CFAP46: variants seen among roughly 807,000 people sequenced by gnomAD.
CFAP46 encodes cilia and flagella associated protein 46, also known as cilia- and flagella-associated protein 46.
Under a neutral mutation model 325.7 loss-of-function variants are expected in CFAP46, and 245 were observed. That is an observed-to-expected ratio of 0.75 (90% CI 0.68 to 0.84). CFAP46 has a LOEUF of 0.84. Among genes scored for constraint, CFAP46 ranks in the 40% least tolerant of loss-of-function variants. The pLI, the probability that CFAP46 is intolerant of heterozygous loss-of-function variation, is 0.00. For synonymous variants in CFAP46, 1,523 were observed against 1,495.9 expected (o/e 1.02, Z -0.42); for missense variants, 3,346 against 3,543.0 (o/e 0.94, Z 1.41).
chr10:132,859,306 G>A, intron 37 of CFAP46, 59 bp from the exon 38 acceptor site: 10 of 1,435,912 alleles, frequency 7.0e-6, no homozygotes, highest in Non-Finnish European at 9.3e-6. Context: ...GTCAGGGCTT[G>A]CGGCTGGGCT....
At chr10:132,836,972 G>A in intron 44 of CFAP46, 58 bp from the exon 45 acceptor site, 1 of 1,295,806 alleles carries the variant, frequency 7.7e-7, no homozygotes, top group Non-Finnish European at 1.1e-6. Context: ...ACGTCGCTGT[G>A]CTGTTCCCCT....
At chr10:132,893,777 C>G (rs959557749) in intron 24 of CFAP46, among the ~76,000 whole-genome samples, 3 of 152,398 alleles carry the variant, frequency 2.0e-5, no homozygotes, top group African/African-American at 7.2e-5. Flanking sequence ...AACTCTCACT[C>G]CTGCTCTAAG....
chr10:132,908,739 C>T (rs902756731), intron 21 of CFAP46, 105 bp from the exon 22 acceptor site: 16 of 1,375,812 alleles, frequency 1.2e-5, no homozygotes, highest in Admixed American at 8.6e-5. Context: ...TAAGCAGAGG[C>T]GTGGCCTGTG....
In CFAP46 at chr10:132,869,869, C is replaced by G. The variant is rs534850251; in HGVS notation, c.4512-497G>C. On this transcript the variant is annotated intron_variant, in intron 32 of 57. Transcript: ENST00000368586. The surrounding 1 kb of genome is among the most constrained non-coding windows in gnomAD (Gnocchi z 6.2). ...GGGATATCTGAGCAAGCTGAGGATG[C>G]AACTTGCAGCCTTTCTCCCGGATCC... Among the ~76,000 whole-genome samples the G allele has an allele frequency of 6.6e-6, 1 of 152,196 alleles. No homozygotes were observed. Among genetic ancestry groups the G allele is most frequent in the African/African-American group, 2.4e-5 (1 of 41,460 alleles).
Position 132,913,173 on chromosome 10 carries a change from T to C in CFAP46, c.2206A>G (p.Ile736Val). ...ACGTAGACCACGGCGTTCTGCACAATCCACGCCTCCTGGATCTCCTGTCCG... is the reference window on the plus strand; with the variant it reads ...ACGTAGACCACGGCGTTCTGCACAACCCACGCCTCCTGGATCTCCTGTCCG... Reference protein sequence around the residue: ...EIGQEIQEAWIVQNAVVYVLN... With the variant: ...EIGQEIQEAWVVQNAVVYVLN... Residue 736 changes from isoleucine (I) to valine (V), a missense_variant, in exon 18 of 58, where the codon ATT (isoleucine) becomes GTT (valine). Physicochemically the swap from Ile to Val is conservative, Grantham distance 29. Coordinates refer to ENST00000368586, the MANE Select transcript of CFAP46 (RefSeq NM_001200049.3). 6.4e-7 allele frequency: 1 copy of C among 1,550,418 alleles called. No individual in the cohort carries two copies. Among genetic ancestry groups the C allele is most frequent in the South Asian group, 1.2e-5 (1 of 84,062 alleles).
intron 20 of CFAP46, 41 bp from the exon 21 acceptor site, chr10:132,909,285 C>CG: frequency 6.5e-6 from 9 of 1,393,992 alleles, no homozygotes; most frequent in Non-Finnish European, 5.0e-6. Flanking sequence ...CCCAAGCGTG[C>CG]GGGGGGAGTC....
At chr10:132,870,258 C>T (rs1007479128) in intron 32 of CFAP46, among the ~76,000 whole-genome samples, 2 of 152,138 alleles carry the variant, frequency 1.3e-5, no homozygotes, top group African/African-American at 4.8e-5. Flanking sequence ...TCTCTCCCTC[C>T]CCTTGGGCCT....
chr10:132,872,960 C>A, intron 31 of CFAP46, 136 bp from the exon 32 acceptor site: 1 of 960,180 alleles, frequency 1.0e-6, no homozygotes, highest in Non-Finnish European at 1.5e-6. Context: ...AGCGCGTGTC[C>A]GCACACAGCA....
chr10:132,912,676 G>C lies in CFAP46; in HGVS notation c.2478C>G (p.Ser826=). 6.5e-7 allele frequency: 1 copy of C among 1,539,358 alleles called. No homozygotes were observed. Among genetic ancestry groups the C allele is most frequent in the Non-Finnish European group, 8.8e-7 (1 of 1,140,924 alleles). Residue 826 remains serine (S), a synonymous_variant, in exon 19 of 58, where the codon TCC becomes TCG. Coordinates refer to ENST00000368586, the MANE Select transcript of CFAP46 (RefSeq NM_001200049.3). The stretch of plus-strand genomic sequence containing the variant: ...GTACCTCCACCGCTGTTTTGATCTC[G>C]GAAGTGGCTCCTGCGTCCAGTGGGC... The part of the protein sequence containing the change: ...FHSPLDAGAT[S]EIKTAVEVCE...
Position 132,908,454 on chromosome 10 carries a change from T to A in CFAP46, c.2924+14A>T. 6.5e-7 allele frequency: 1 copy of A among 1,550,314 alleles called. No homozygotes were observed. The highest frequency in any genetic ancestry group is 8.7e-7 in the Non-Finnish European group (1 of 1,146,842). On this transcript the variant is annotated intron_variant, in intron 22 of 57. Transcript: ENST00000368586. The stretch of plus-strand genomic sequence containing the variant: ...CGTTTTGAGGGAATTTGTCCAGTCA[T>A]GAGGGTTACTTACGGCCCAAATTTC...
Position 132,808,434 on chromosome 10 carries a change from A to G in CFAP46, c.8135T>C (p.Leu2712Pro). The G allele has an allele frequency of 6.2e-7, 1 of 1,600,936 alleles. No individual in the cohort carries two copies. The highest frequency in any genetic ancestry group is 8.5e-7 in the Non-Finnish European group (1 of 1,170,192). ...LDQKTIQTVS[L>P]FLI is the part of the protein sequence containing the mutation. ...TTAGTGGAACACTCAAATCAAAAAC[A>G]GGCTCACGGTCTGAATAGTCTTCTG... The change falls in exon 58 of 58, where the codon CTG becomes CCG. Residue 2712 changes from leucine to proline, a missense_variant. Leu to Pro is a moderately conservative substitution (Grantham distance 98). Coordinates refer to ENST00000368586, the MANE Select transcript of CFAP46 (RefSeq NM_001200049.3). The surrounding 1 kb of genome is among the most constrained non-coding windows in gnomAD (Gnocchi z 6.8).
rs1357055656 is a variant in CFAP46 at position 132,876,248 on chromosome 10, T to TG, written c.4362+563dup. Among the ~76,000 whole-genome samples, 1 of 152,240 alleles carries TG rather than the reference T, an allele frequency of 6.6e-6. No individual in the cohort carries two copies. The highest frequency in any genetic ancestry group is 2.4e-5 in the African/African-American group (1 of 41,458). ...ACCCACAGCGGGCACGGCAGTGAACTGAATGACCACTATGGAGGGCAGCAT... is the reference window on the plus strand; with the variant it reads ...ACCCACAGCGGGCACGGCAGTGAACTGGAATGACCACTATGGAGGGCAGCAT... On this transcript the variant is annotated intron_variant, in intron 31 of 57. Coordinates refer to ENST00000368586, the MANE Select transcript of CFAP46 (RefSeq NM_001200049.3). The surrounding 1 kb of genome is among the most constrained non-coding windows in gnomAD (Gnocchi z 4.1).
At chr10:132,912,596 T>TTCACCTCTCTCTCTCTTCA in intron 19 of CFAP46, 59 bp downstream of exon 19, 2 of 1,322,128 alleles carry the variant, frequency 1.5e-6, no homozygotes, top group Non-Finnish European at 2.0e-6. Context: ...TCTCTCTCTC[T>TTCACCTCTCTCTCTCTTCA]CCTCTCTCCT....
rs1444015765 is a variant in CFAP46, at chr10:132,888,316, C to T, written c.3305-2357G>A. Reference sequence around the variant, plus strand: ...GCTTCCATAGCCTGTACCCCTGCCACCTTCACCCCTGCCGCCTGCACCTGC... The same window carrying T: ...GCTTCCATAGCCTGTACCCCTGCCATCTTCACCCCTGCCGCCTGCACCTGC... On this transcript the variant is annotated intron_variant, in intron 25 of 57. Transcript: ENST00000368586. Among the ~76,000 whole-genome samples the T allele has an allele frequency of 1.8e-4, 22 of 121,344 alleles. 1 individual carries two copies. The highest frequency in any genetic ancestry group is 8.4e-4 in the African/African-American group (17 of 20,316). 79.6% of individuals were successfully genotyped at this position (121,344 alleles called of 152,430 possible). A position where few individuals can be genotyped will look rare whatever the true frequency, so the allele number is the denominator to read the frequency against.
intron 44 of CFAP46, among the ~76,000 whole-genome samples, chr10:132,837,876 C>G (rs996207586): frequency 1.7e-4 from 25 of 148,800 alleles, no homozygotes; most frequent in African/African-American, 5.5e-4. Flanking sequence ...TGCACACACA[C>G]AGACATGCAC....
At chr10:132,927,577 G>A (rs1318588689) in intron 9 of CFAP46, among the ~76,000 whole-genome samples, 1 of 152,240 alleles carries the variant, frequency 6.6e-6, no homozygotes, top group African/African-American at 2.4e-5. Context: ...TCCAGCGGCT[G>A]CAAGCCTCCA....
chr10:132,887,852 C>CTA (rs1168236328), intron 25 of CFAP46, among the ~76,000 whole-genome samples: 1 of 88,464 alleles, frequency 1.1e-5, no homozygotes, highest in African/African-American at 6.1e-5. Flanking sequence ...CCTCTCCTCT[C>CTA]CCCTTCTCTC....
At chr10:132,868,714 T>G (rs1321166366) in intron 33 of CFAP46, among the ~76,000 whole-genome samples, 3 of 152,206 alleles carry the variant, frequency 2.0e-5, no homozygotes, top group Admixed American at 6.5e-5. Context: ...GTTCTAAGAT[T>G]TTCACTATAA....
chr10:132,823,495 ATGTGTGC>A (rs1422896570), intron 50 of CFAP46, among the ~76,000 whole-genome samples: 1 of 83,048 alleles, frequency 1.2e-5, no homozygotes. Context: ...CTGTGTGCTG[ATGTGTGC>A]TGTGTGCTGA....
Sources: gnomAD v4.1 joint callset for allele counts (sites outside exome capture counted in the v4.1 genomes callset) on GRCh38, gnomAD v4.1.1 for gene constraint, Gnocchi (gnomAD v3.1) non-coding constraint, MANE v1.5 for transcripts, NCBI Gene and HGNC (gene_info 2026-07-23, HGNC 2026-07-21) for gene names.